Variants in SYTL4 observed in about 807,000 individuals in gnomAD.
SYTL4 encodes the protein synaptotagmin like 4, also known as synaptotagmin-like protein 4.
SYTL4 carries 16 observed loss-of-function variants against 52.7 expected under a neutral mutation model. The observed-to-expected ratio is 0.30, with a 90% CI of 0.21 to 0.46. The LOEUF is 0.46. Among genes scored for constraint, SYTL4 ranks in the 20% least tolerant of loss-of-function variants. The probability of loss-of-function intolerance (pLI) is 1.00; values close to 1 mark genes in which losing one functional copy is unlikely to be tolerated. For missense variants in SYTL4, 423 were observed against 519.9 expected (o/e 0.81, Z 1.81); for synonymous variants, 160 against 186.6 (o/e 0.86, Z 1.16).
intron 13 of SYTL4, chrX:100,687,466 C>A (rs41306267): frequency 0.012 from 4,697 of 388,591 alleles, 31 homozygotes; most frequent in African/African-American, 0.015. Flanking sequence ...CACCTAGCCT[C>A]TTAGCTTCTC....
chrX:100,684,554 C>T (rs375526189), intron 16 of SYTL4: 7 of 105,514 alleles, frequency 6.6e-5, no homozygotes, highest in Admixed American at 2.0e-4. Flanking sequence ...AGTGATGGCA[C>T]AAAAGGATGC....
In SYTL4 at chrX:100,717,512, G is replaced by A. The variant is rs138439686; in HGVS notation, c.-239-12626C>T. On this transcript the variant is annotated intron_variant, in intron 2 of 19. Coordinates refer to ENST00000372989, the MANE Select transcript of SYTL4 (RefSeq NM_001370165.1). ...AGCAAGTAATACAATGATGCTGGTT[G>A]GTTTAAATTGTAAGGGAGAATGCGG... Among the ~76,000 whole-genome samples, 416 of 113,222 alleles carry A rather than the reference G, an allele frequency of 3.7e-3. 2 individuals are homozygous for A. The highest frequency in any genetic ancestry group is 0.013 in the African/African-American group (395 of 31,229).
chrX:100,710,123 A>G (rs1283276491), intron 2 of SYTL4, among the ~76,000 whole-genome samples: 1 of 111,924 alleles, frequency 8.9e-6, no homozygotes. Context: ...TAAAGTTATA[A>G]GTAGTAATTA....
In SYTL4 at chrX:100,678,593, G is replaced by A. The variant is rs1489102811; in HGVS notation, c.1665C>T (p.Leu555=). 8.3e-7 allele frequency: 1 copy of A among 1,208,426 alleles called. No homozygotes were observed. Among genetic ancestry groups the A allele is most frequent in the South Asian group, 1.8e-5 (1 of 56,889 alleles). The part of the protein sequence containing the change: ...GTSDSFVKGY[L]LPMRNKASKR... ...TACTGGCCTTGTTCCTCATGGGAAG[G>A]AGGTATCTGGCAGAGGGCGGGGAGT... is the stretch of plus-strand genomic sequence containing the variant. Residue 555 remains leucine (L), a synonymous_variant, in exon 19 of 20, where the codon CTC becomes CTT. Coordinates refer to ENST00000372989, the MANE Select transcript of SYTL4 (RefSeq NM_001370165.1).
chrX:100,729,800 T>C (rs1196918100), intron 2 of SYTL4, among the ~76,000 whole-genome samples: 2 of 110,238 alleles, frequency 1.8e-5, no homozygotes, highest in Admixed American at 1.9e-4. Context: ...GTAAGGCCGT[T>C]CCAAAGGAGG....
intron 12 of SYTL4, among the ~76,000 whole-genome samples, chrX:100,689,014 T>C (rs1390554006): frequency 9.0e-6 from 1 of 110,998 alleles, no homozygotes; most frequent in Non-Finnish European, 1.9e-5. Flanking sequence ...CCCAACCCTG[T>C]TTACATTTTA....
intron 15 of SYTL4, 113 bp from the exon 16 acceptor site, chrX:100,686,264 T>C: frequency 2.7e-6 from 2 of 745,801 alleles, no homozygotes; most frequent in Non-Finnish European, 3.7e-6. Context: ...AATACCAAAT[T>C]ACTTTATGTT....
Position 100,674,951 on chromosome X carries a change from A to G in SYTL4, c.*1077T>C, listed in dbSNP as rs1045411267. The G allele has an allele frequency of 8.9e-6, 1 of 111,913 alleles. No individual in the cohort carries two copies. Among genetic ancestry groups the G allele is most frequent in the Non-Finnish European group, 1.9e-5 (1 of 53,211 alleles). The allele number at this position is 111,913 out of a possible 1,213,427, so 9.2% of individuals were successfully genotyped here. A position where few individuals can be genotyped will look rare whatever the true frequency, so the allele number is the denominator to read the frequency against. ...AAAGCTCATCAAGCAGGAAGTCAGA[A>G]TAACAGGGAGACTCTGTCTACATTC... On this transcript the variant is annotated 3_prime_UTR_variant, in exon 20 of 20. Coordinates refer to ENST00000372989, the MANE Select transcript of SYTL4 (RefSeq NM_001370165.1).
rs2083515566 is a variant in SYTL4, at chrX:100,688,435, T to C, written c.921A>G (p.Glu307=). The change falls in exon 13 of 20, where the codon GAA becomes GAG. Residue 307 remains glutamate, a synonymous_variant. Coordinates refer to ENST00000372989, the MANE Select transcript of SYTL4 (RefSeq NM_001370165.1). ...VPGLNVDMEE[E]EEEEDIDHLV... ...GGTGGTCAATGTCTTCTTCTTCTTC[T>C]TCCTCTTCCTGGAACAATAAATATA... The C allele has an allele frequency of 8.4e-7, 1 of 1,195,108 alleles. No homozygotes were observed. The highest frequency in any genetic ancestry group is 1.8e-5 in the African/African-American group (1 of 56,880).
chrX:100,702,050 T>C lies in SYTL4; in HGVS notation c.-13A>G. ...GTAACTCCGACATGATTTACTCAAC[T>C]TTTTCTTCTACTCTTCTTTCTTCAA... On this transcript the variant is annotated 5_prime_UTR_variant, in exon 5 of 20. Coordinates refer to ENST00000372989, the MANE Select transcript of SYTL4 (RefSeq NM_001370165.1). The C allele has an allele frequency of 1.7e-6, 2 of 1,142,868 alleles. No homozygotes were observed. The highest frequency in any genetic ancestry group is 2.4e-6 in the Non-Finnish European group (2 of 837,866). The allele number at this position is 1,142,868 out of a possible 1,213,427, so 94.2% of individuals were successfully genotyped here.
Position 100,732,070 on chromosome X carries a change from C to T in SYTL4, c.-394G>A, listed in dbSNP as rs1194955487. The stretch of plus-strand genomic sequence containing the variant: ...AGTGCCGGTTTCAAGGGAGGGTCTC[C>T]GGCTCCGGGAAGATCGCAACCCAGC... On this transcript the variant is annotated 5_prime_UTR_variant, in exon 1 of 20. Coordinates refer to ENST00000372989, the MANE Select transcript of SYTL4 (RefSeq NM_001370165.1). 1 of 112,143 alleles carries T rather than the reference C, an allele frequency of 8.9e-6. No homozygotes were observed. Among genetic ancestry groups the T allele is most frequent in the Non-Finnish European group, 1.9e-5 (1 of 53,130 alleles). The allele number at this position is 112,143 out of a possible 1,213,427, so 9.2% of individuals were successfully genotyped here.
chrX:100,711,667 T>A lies in SYTL4; in HGVS notation c.-239-6781A>T, dbSNP rs1260113921. On this transcript the variant is annotated intron_variant, in intron 2 of 19. Transcript: ENST00000372989. ...GGAATTAATGAGCTATGGGACAACA[T>A]CAAGCTACCTTCTATACATGTCATT... Among the ~76,000 whole-genome samples, 4 of 111,352 alleles carry A rather than the reference T, an allele frequency of 3.6e-5. No homozygotes were observed. In the East Asian group the frequency reaches 1.1e-3, roughly 31 times the overall value.
intron 16 of SYTL4, chrX:100,685,140 A>C (rs1323253147): frequency 1.8e-5 from 2 of 112,160 alleles, no homozygotes; most frequent in Non-Finnish European, 3.8e-5. Context: ...AATTTTCTTA[A>C]TATGGTAAAA....
At chrX:100,708,076 G>A (rs2083995272) in intron 2 of SYTL4, among the ~76,000 whole-genome samples, 1 of 108,095 alleles carries the variant, frequency 9.3e-6, no homozygotes, top group Admixed American at 1.0e-4. Flanking sequence ...GGCCTGTCGG[G>A]GGTGGGGGGC....
At chrX:100,678,306 C>A in intron 19 of SYTL4, 85 bp downstream of exon 19, 2 of 676,781 alleles carry the variant, frequency 3.0e-6, no homozygotes, top group Non-Finnish European at 4.6e-6. Flanking sequence ...CACAGAGGAG[C>A]TTTGTGTTGG....
At chrX:100,731,652 G>A (rs2147859939) in intron 1 of SYTL4, 147 bp from the exon 2 acceptor site, 1 of 112,462 alleles carries the variant, frequency 8.9e-6, no homozygotes, top group South Asian at 3.8e-4. Flanking sequence ...CACTCCCCGC[G>A]AGGGGAGCCG....
intron 2 of SYTL4, among the ~76,000 whole-genome samples, chrX:100,711,589 A>T (rs1255146751): frequency 1.8e-5 from 2 of 111,591 alleles, no homozygotes; most frequent in Non-Finnish European, 3.8e-5. Context: ...TTGAAGACAT[A>T]GCAATAGAAA....
intron 2 of SYTL4, among the ~76,000 whole-genome samples, chrX:100,709,271 T>C (rs1202599366): frequency 9.2e-6 from 1 of 108,376 alleles, no homozygotes; most frequent in Non-Finnish European, 1.9e-5. Context: ...GGCGGGTGGA[T>C]CACTTGAGGC....
At chrX:100,684,105 T>C (rs2147694346) in intron 16 of SYTL4, among the ~76,000 whole-genome samples, 1 of 112,134 alleles carries the variant, frequency 8.9e-6, no homozygotes, top group East Asian at 2.8e-4. Flanking sequence ...ATTTATGGGG[T>C]ACATGTGATA....
Sources: allele counts gnomAD v4.1 joint callset (sites outside exome capture counted in the v4.1 genomes callset), GRCh38; gene constraint gnomAD v4.1.1; transcripts MANE v1.5; gene names NCBI Gene and HGNC (gene_info 2026-07-23, HGNC 2026-07-21).